Variants in SREBF1 observed in about 807,000 individuals in gnomAD.
SREBF1 encodes the protein sterol regulatory element-binding protein 1.
Under a neutral mutation model 100.1 loss-of-function variants are expected in SREBF1, and 45 were observed. The ratio of observed to expected loss-of-function variants is 0.45; its 90% CI spans 0.35 to 0.58. SREBF1 has a LOEUF of 0.58. SREBF1 is among the 20% of genes least tolerant of loss of function. The pLI, the probability that SREBF1 is intolerant of heterozygous loss-of-function variation, is 0.00. For synonymous variants in SREBF1, 657 were observed against 681.8 expected (o/e 0.96, Z 0.57); for missense variants, 1,324 against 1,539.4 (o/e 0.86, Z 2.34).
rs1235413813 is a variant in SREBF1, at chr17:17,836,940, C to T, written c.-123G>A. The T allele has an allele frequency of 1.1e-6, 1 of 906,120 alleles. No homozygotes were observed. Among genetic ancestry groups the T allele is most frequent in the Non-Finnish European group, 1.5e-6 (1 of 652,546 alleles). 56.1% of individuals were successfully genotyped at this position (906,120 alleles called of 1,614,324 possible). A position where few individuals can be genotyped will look rare whatever the true frequency, so the allele number is the denominator to read the frequency against. On this transcript the variant is annotated 5_prime_UTR_variant, in exon 1 of 19. Transcript: ENST00000261646. ...CCGCTCCGCGCGTTCGTGTCCTGCC[C>T]TGGCCTCAGAGGCGGCCCGGCGCCG...
At chr17:17,816,142 C>A in intron 11 of SREBF1, 65 bp downstream of exon 11, 1 of 1,053,538 alleles carries the variant, frequency 9.5e-7, no homozygotes, top group South Asian at 1.7e-5. Context: ...TCCCGTGTAG[C>A]TCTTACCCAG....
Position 17,820,382 on chromosome 17 carries a change from G to A in SREBF1, c.231C>T (p.Ala77=), listed in dbSNP as rs751361652. 3 of 1,612,422 alleles carry A rather than the reference G, an allele frequency of 1.9e-6. No individual in the cohort carries two copies. The highest frequency in any genetic ancestry group is 2.5e-6 in the Non-Finnish European group (3 of 1,178,774). ...AGGCTTCAAGAGAGGAGCTCAATGT[G>A]GCAGGAGGTGGAGACAAGCTGCCTG... ...SSPGSLSPPP[A]TLSSSLEAFL... is the part of the protein sequence containing the mutation. The change falls in exon 2 of 19, where the codon GCC becomes GCT. Residue 77 remains alanine, a synonymous_variant. Transcript: ENST00000261646.
At position 17,818,709 on chromosome 17, in the gene SREBF1, G is replaced by C; in HGVS notation, c.1068+304C>G. The C allele has an allele frequency of 1.3e-5, 7 of 558,208 alleles. No individual in the cohort carries two copies. In the South Asian group the frequency reaches 1.4e-4, roughly 11 times the overall value. The allele number at this position is 558,208 out of a possible 1,614,324, so 34.6% of individuals were successfully genotyped here. The stretch of plus-strand genomic sequence containing the variant: ...GCAACGAGCCAAACGTGGTGGTCTC[G>C]AGCACTTATTCATCCTGCCTACTGT... On this transcript the variant is annotated intron_variant, in intron 5 of 18. Transcript: ENST00000261646.
In SREBF1 at chr17:17,817,720, G is replaced by T; in HGVS notation, c.1380C>A (p.Asp460Glu). The T allele has an allele frequency of 1.2e-6, 2 of 1,613,402 alleles. No individual in the cohort carries two copies. Among genetic ancestry groups the T allele is most frequent in the Non-Finnish European group, 1.7e-6 (2 of 1,179,998 alleles). ...SGGSGSDSEP[D>E]SPVFEDSKAK... Reference sequence around the variant, plus strand: ...CCTTGCTGTCCTCAAAGACTGGGCTGTCAGGCTCCGAGTCACTGCCACTGC... The same window carrying T: ...CCTTGCTGTCCTCAAAGACTGGGCTTTCAGGCTCCGAGTCACTGCCACTGC... The change falls in exon 7 of 19, where the codon GAC (aspartate) becomes GAA (glutamate). Residue 460 changes from aspartate to glutamate, a missense_variant. Asp to Glu is a conservative substitution (Grantham distance 45). Coordinates refer to ENST00000261646, the MANE Select transcript of SREBF1 (RefSeq NM_004176.5). The surrounding 1 kb of genome is among the most constrained non-coding windows in gnomAD (Gnocchi z 6.6).
intron 1 of SREBF1, among the ~76,000 whole-genome samples, chr17:17,833,702 G>T (rs914397216): frequency 1.1e-4 from 16 of 151,966 alleles, no homozygotes; most frequent in African/African-American, 3.9e-4. Context: ...ATTGATGAAG[G>T]CCGGGCATGG....
At chr17:17,823,667 CGCCCCGCCCCCAGCCCCGCCCCA>C (rs751764551) in intron 1 of SREBF1, 31 of 1,291,902 alleles carry the variant, frequency 2.4e-5, no homozygotes, top group Non-Finnish European at 2.9e-5. Flanking sequence ...CGCCCCGCCC[CGCCCCGCCCCCAGCCCCGCCCCA>C]GCCCCGCCCC....
At chr17:17,823,681 CCCCG>C (rs2034286218) in intron 1 of SREBF1, 2 of 1,121,696 alleles carry the variant, frequency 1.8e-6, no homozygotes, top group Non-Finnish European at 2.4e-6. Flanking sequence ...CCGCCCCCAG[CCCCG>C]CCCCAGCCCC....
rs753568996 is a variant in SREBF1, at chr17:17,816,301, C to G, written c.2120G>C (p.Gly707Ala). The G allele has an allele frequency of 6.4e-7, 1 of 1,560,548 alleles. No individual in the cohort carries two copies. Among genetic ancestry groups the G allele is most frequent in the East Asian group, 2.3e-5 (1 of 42,720 alleles). The change falls in exon 11 of 19, where the codon GGG (glycine) becomes GCG (alanine). Residue 707 changes from glycine (G) to alanine (A), a missense_variant. Coordinates refer to ENST00000261646, the MANE Select transcript of SREBF1 (RefSeq NM_004176.5). Reference protein sequence around the residue: ...LSALNLAECAGDAVSVATLAE... With the variant: ...LSALNLAECAADAVSVATLAE... ...CAGCGTCGCCACAGACACGGCATCCCCTGCACACTCTGCCAGGTTCAGGGC... is the reference window on the plus strand; with the variant it reads ...CAGCGTCGCCACAGACACGGCATCCGCTGCACACTCTGCCAGGTTCAGGGC...
chr17:17,833,128 A>G (rs1009460105), intron 1 of SREBF1, among the ~76,000 whole-genome samples: 1 of 151,922 alleles, frequency 6.6e-6, no homozygotes, highest in African/African-American at 2.4e-5. Context: ...TTTAATTTAT[A>G]AAAATACAGA....
At chr17:17,818,039 G>A (rs772128826) in intron 6 of SREBF1, 123 bp from the exon 7 acceptor site, 194 of 1,124,124 alleles carry the variant, frequency 1.7e-4, no homozygotes, top group Non-Finnish European at 2.4e-4. Context: ...ACGCTTTGAT[G>A]GGGCTGGGTT....
rs1253225038 is a variant in SREBF1, at chr17:17,829,191, T to TA, written c.91+7535dup. ...CTGGTGACAGAACGAGACTCCATCT[T>TA]AAAAAAAAAAAAAAATATATATATA... On this transcript the variant is annotated intron_variant, in intron 1 of 18. Coordinates refer to ENST00000261646, the MANE Select transcript of SREBF1 (RefSeq NM_004176.5). Among the ~76,000 whole-genome samples, 386 of 44,918 alleles carry TA rather than the reference T, an allele frequency of 8.6e-3. 7 individuals are homozygous for TA. Among genetic ancestry groups the TA allele is most frequent in the African/African-American group, 0.023 (190 of 8,258 alleles). 29.5% of individuals were successfully genotyped at this position (44,918 alleles called of 152,430 possible).
intron 1 of SREBF1, among the ~76,000 whole-genome samples, chr17:17,825,090 A>T (rs2034398650): frequency 6.6e-6 from 1 of 152,178 alleles, no homozygotes; most frequent in African/African-American, 2.4e-5. Context: ...TCCAGGCATG[A>T]GTTCCCCATG....
intron 1 of SREBF1, among the ~76,000 whole-genome samples, chr17:17,829,205 A>AATATATATATATATATAT (rs71155305): frequency 1.4e-4 from 9 of 65,832 alleles, no homozygotes; most frequent in African/African-American, 5.3e-4. Flanking sequence ...AAAAAAAAAA[A>AATATATATATATATATAT]ATATATATAT....
chr17:17,819,888 A>AGCCAG, intron 2 of SREBF1, 163 bp from the exon 3 acceptor site: 1 of 1,214,134 alleles, frequency 8.2e-7, no homozygotes, highest in South Asian at 1.6e-5. Flanking sequence ...ACTGGCTTCA[A>AGCCAG]GCCAGGCCTC....
rs751359227 is a variant in SREBF1 at position 17,814,825 on chromosome 17, G to C, written c.2602+10C>G. ...TGAGAAGGGAGCCAGGACAGGGGCCGGGGACTCACCGGTGGTGGTGGCCAT... is the reference window on the plus strand; with the variant it reads ...TGAGAAGGGAGCCAGGACAGGGGCCCGGGACTCACCGGTGGTGGTGGCCAT... On this transcript the variant is annotated intron_variant, in intron 14 of 18. Transcript: ENST00000261646. The C allele has an allele frequency of 6.2e-7, 1 of 1,600,668 alleles. No homozygotes were observed. The highest frequency in any genetic ancestry group is 1.1e-5 in the South Asian group (1 of 89,208).
chr17:17,816,576 C>A lies in SREBF1; in HGVS notation c.1928G>T (p.Arg643Leu), dbSNP rs776719475. The A allele has an allele frequency of 6.2e-6, 10 of 1,605,712 alleles. No homozygotes were observed. Among genetic ancestry groups the A allele is most frequent in the Admixed American group, 1.7e-5 (1 of 58,750 alleles). ...RHLLQRLWVG[R>L]WLAGRAGGLQ... The stretch of plus-strand genomic sequence containing the variant: ...GCCCCCTGCCCGGCCTGCCAGCCAG[C>A]GGCCCACCCAGAGACGCTGCAGCAG... Residue 643 changes from arginine (R) to leucine (L), a missense_variant, in exon 10 of 19, where the codon CGC becomes CTC. Physicochemically the swap from Arg to Leu is moderately radical, Grantham distance 102. Coordinates refer to ENST00000261646, the MANE Select transcript of SREBF1 (RefSeq NM_004176.5).
rs1478508581 is a variant in SREBF1, at chr17:17,820,488, T to C, written c.125A>G (p.Asp42Gly). ...GGGTGGGTCAAATAGGCCAGGGAAG[T>C]CACTGTCTTGGTTGTTGATAAGCTG... ...MLQLINNQDS[D>G]FPGLFDPPYA... The change falls in exon 2 of 19, where the codon GAC becomes GGC. Residue 42 changes from aspartate to glycine, a missense_variant. Asp to Gly is a moderately conservative substitution (Grantham distance 94). Coordinates refer to ENST00000261646, the MANE Select transcript of SREBF1 (RefSeq NM_004176.5). The C allele has an allele frequency of 6.2e-7, 1 of 1,614,006 alleles. No homozygotes were observed. Among genetic ancestry groups the C allele is most frequent in the Non-Finnish European group, 8.5e-7 (1 of 1,179,974 alleles).
intron 1 of SREBF1, among the ~76,000 whole-genome samples, chr17:17,833,778 A>G (rs570576513): frequency 1.3e-5 from 2 of 152,188 alleles, no homozygotes; most frequent in Non-Finnish European, 2.9e-5. Context: ...TGAGCTCAGG[A>G]GTTCGAGACC....
At chr17:17,823,606 A>T (rs550494720) in intron 1 of SREBF1, 1 of 1,610,594 alleles carries the variant, frequency 6.2e-7, no homozygotes, top group Non-Finnish European at 8.5e-7. Flanking sequence ...CGCCGACTTC[A>T]CCTGTCAAGG....
Sources: gnomAD v4.1 joint callset for allele counts (sites outside exome capture counted in the v4.1 genomes callset) on GRCh38, gnomAD v4.1.1 for gene constraint, Gnocchi (gnomAD v3.1) non-coding constraint, MANE v1.5 for transcripts, NCBI Gene and HGNC (gene_info 2026-07-23, HGNC 2026-07-21) for gene names.